PEX14: variants seen among roughly 807,000 people sequenced by gnomAD.
PEX14 encodes the protein peroxisomal membrane protein PEX14.
A neutral mutation model predicts 49.5 loss-of-function variants in PEX14; 15 were observed. That is an observed-to-expected ratio of 0.30 (90% CI 0.20 to 0.47). The LOEUF is 0.47. PEX14 is among the 20% of genes least tolerant of loss of function. The probability of loss-of-function intolerance (pLI) is 1.00; values close to 1 mark genes in which losing one functional copy is unlikely to be tolerated. For synonymous variants in PEX14, 210 were observed against 212.7 expected (o/e 0.99, Z 0.11); for missense variants, 398 against 494.8 (o/e 0.80, Z 1.86).
In PEX14 at chr1:10,630,101, A is replaced by G. The variant is rs1641879751; in HGVS notation, c.*114A>G. 1 of 1,513,376 alleles carries G rather than the reference A, an allele frequency of 6.6e-7. No individual in the cohort carries two copies. The highest frequency in any genetic ancestry group is 8.9e-7 in the Non-Finnish European group (1 of 1,125,282). 93.7% of individuals were successfully genotyped at this position (1,513,376 alleles called of 1,614,324 possible). On this transcript the variant is annotated 3_prime_UTR_variant, in exon 9 of 9. Coordinates refer to ENST00000356607, the MANE Select transcript of PEX14 (RefSeq NM_004565.3). The surrounding 1 kb of genome is among the most constrained non-coding windows in gnomAD (Gnocchi z 4.1). ...GCAGCTTGGAGCCCAGGTAGGGGGC[A>G]GAGCTGTCCTCAGCTGCACTGCGGC...
At chr1:10,561,586 T>C (rs757585138) in intron 3 of PEX14, among the ~76,000 whole-genome samples, 4 of 152,332 alleles carry the variant, frequency 2.6e-5, no homozygotes, top group South Asian at 2.1e-4. Flanking sequence ...GCTAATTTGA[T>C]TGGTTAATGA....
At chr1:10,547,162 G>A (rs1243113010) in intron 3 of PEX14, among the ~76,000 whole-genome samples, 2 of 152,158 alleles carry the variant, frequency 1.3e-5, no homozygotes, top group South Asian at 2.1e-4. Context: ...GAAAAGCAAC[G>A]ACAGGACACT....
intron 3 of PEX14, among the ~76,000 whole-genome samples, chr1:10,568,165 G>T (rs1425422630): frequency 6.6e-6 from 1 of 152,054 alleles, no homozygotes; most frequent in Admixed American, 6.5e-5. Flanking sequence ...TTCTTGTCCA[G>T]TTGCATCAGC....
chr1:10,537,858 AAAAG>A (rs970063872), intron 3 of PEX14, among the ~76,000 whole-genome samples: 1 of 152,186 alleles, frequency 6.6e-6, no homozygotes, highest in Non-Finnish European at 1.5e-5. Context: ...AGTGAAAAAA[AAAAG>A]AGAGAGAGAA....
At position 10,627,236 on chromosome 1, in the gene PEX14, G is replaced by A. The variant is rs367683295; in HGVS notation, c.586-36G>A. 4.0e-6 allele frequency: 6 copies of A among 1,497,296 alleles called. No homozygotes were observed. In the African/African-American group the frequency reaches 5.5e-5, roughly 14 times the overall value. 92.8% of individuals were successfully genotyped at this position (1,497,296 alleles called of 1,614,324 possible). A position where few individuals can be genotyped will look rare whatever the true frequency, so the allele number is the denominator to read the frequency against. On this transcript the variant is annotated intron_variant, in intron 7 of 8. Transcript: ENST00000356607. ...CCGCAGGCCCCGCCCGTGCCGCAAG[G>A]CGCCCGCCCTGAGCCTCCCTGTGCT... is the stretch of plus-strand genomic sequence containing the variant.
intron 2 of PEX14, among the ~76,000 whole-genome samples, chr1:10,508,087 C>T (rs1641818224): frequency 6.6e-6 from 1 of 152,234 alleles, no homozygotes; most frequent in African/African-American, 2.4e-5. Flanking sequence ...GCATTTCCCC[C>T]CAACCCCACT....
chr1:10,551,235 A>C (rs1639325008), intron 3 of PEX14, among the ~76,000 whole-genome samples: 1 of 152,192 alleles, frequency 6.6e-6, no homozygotes, highest in African/African-American at 2.4e-5. Context: ...AGCTTTATTG[A>C]ATTTCGCCAA....
chr1:10,490,511 C>T lies in PEX14; in HGVS notation c.37-4763C>T, dbSNP rs115348579. On this transcript the variant is annotated intron_variant, in intron 1 of 8. Transcript: ENST00000356607. ...AGGAGTGAGAGCACCTTTGTCTCTA[C>T]CAAAAGAAAAGCATTTCTCTCTCTG... 4.6e-3 allele frequency among the ~76,000 whole-genome samples: 707 copies of T among 152,234 alleles called. 6 individuals carry two copies. Among genetic ancestry groups the T allele is most frequent in the African/African-American group, 0.016 (651 of 41,518 alleles).
rs1446658357 is a variant in PEX14 at position 10,524,468 on chromosome 1, ACT to A, written c.85-11744_85-11743del. On this transcript the variant is annotated intron_variant, in intron 2 of 8. Transcript: ENST00000356607. ...TTTAAAGGAGGAAGATGCTCAATAA[ACT>A]GATTTGCTTAATGGTGAGAATTGTG... 3.2e-6 allele frequency: 3 copies of A among 926,194 alleles called. No homozygotes were observed. The African/African-American group carries it at 5.3e-5, about 16-fold the overall frequency. 57.4% of individuals were successfully genotyped at this position (926,194 alleles called of 1,614,324 possible). A position where few individuals can be genotyped will look rare whatever the true frequency, so the allele number is the denominator to read the frequency against.
intron 3 of PEX14, among the ~76,000 whole-genome samples, chr1:10,577,554 A>T (rs1457770764): frequency 2.5e-4 from 2 of 8,084 alleles, no homozygotes; most frequent in Admixed American, 2.8e-3. Context: ...ATATATATAT[A>T]TATATATATT....
At chr1:10,624,676 C>T (rs1043605037) in intron 7 of PEX14, among the ~76,000 whole-genome samples, 9 of 152,316 alleles carry the variant, frequency 5.9e-5, no homozygotes, top group African/African-American at 2.2e-4. Context: ...TATGTCACCT[C>T]CCAACAGGAG....
At chr1:10,535,776 C>CGT (rs34318995) in intron 2 of PEX14, 106,105 of 274,892 alleles carry the variant, frequency 0.39, 16,901 homozygotes, top group Non-Finnish European at 0.45. Flanking sequence ...TGATAGAGAA[C>CGT]GTGTGTGTGT....
chr1:10,508,597 A>C (rs1444555850), intron 2 of PEX14, among the ~76,000 whole-genome samples: 1 of 152,062 alleles, frequency 6.6e-6, no homozygotes, highest in African/African-American at 2.4e-5. Context: ...TGCACCTCCT[A>C]CTGTGCCCTC....
intron 3 of PEX14, among the ~76,000 whole-genome samples, chr1:10,555,502 G>T (rs890342043): frequency 6.6e-6 from 1 of 152,168 alleles, no homozygotes; most frequent in Non-Finnish European, 1.5e-5. Flanking sequence ...AAACCGCAGC[G>T]TTTAACCTAT....
chr1:10,561,262 G>C (rs1307433472), intron 3 of PEX14, among the ~76,000 whole-genome samples: 1 of 152,084 alleles, frequency 6.6e-6, no homozygotes, highest in Non-Finnish European at 1.5e-5. Context: ...CATTTTCCCA[G>C]TTGCCCCCAC....
chr1:10,504,517 G>A (rs1355274646), intron 2 of PEX14, among the ~76,000 whole-genome samples: 2 of 152,162 alleles, frequency 1.3e-5, no homozygotes, highest in African/African-American at 4.8e-5. Flanking sequence ...TCCTGTTTGT[G>A]TGCAGAGTGT....
At chr1:10,537,341 A>AGCC (rs1553187430) in intron 3 of PEX14, among the ~76,000 whole-genome samples, 1 of 28,430 alleles carries the variant, frequency 3.5e-5, no homozygotes, top group Non-Finnish European at 6.3e-5. Flanking sequence ...TTGTGCCAGC[A>AGCC]CCCCCCCCCC....
chr1:10,558,389 T>A (rs2124524146), intron 3 of PEX14, among the ~76,000 whole-genome samples: 1 of 151,270 alleles, frequency 6.6e-6, no homozygotes, highest in East Asian at 2.0e-4. Flanking sequence ...CCACTGCGAA[T>A]CAAGAAAGAA....
intron 4 of PEX14, among the ~76,000 whole-genome samples, chr1:10,603,577 T>G (rs560092058): frequency 1.3e-5 from 2 of 152,286 alleles, no homozygotes; most frequent in African/African-American, 4.8e-5. Context: ...GAGAGAAGAT[T>G]TGAAATTCTC....
Sources: gnomAD v4.1 joint callset for allele counts (sites outside exome capture counted in the v4.1 genomes callset) on GRCh38, gnomAD v4.1.1 for gene constraint, Gnocchi (gnomAD v3.1) non-coding constraint, MANE v1.5 for transcripts, NCBI Gene and HGNC (gene_info 2026-07-23, HGNC 2026-07-21) for gene names.